USP32: variants seen among roughly 807,000 people sequenced by gnomAD.
USP32 encodes ubiquitin carboxyl-terminal hydrolase 32.
USP32 carries 59 observed loss-of-function variants against 204.8 expected under a neutral mutation model. The ratio of observed to expected loss-of-function variants is 0.29; its 90% CI spans 0.23 to 0.36. The LOEUF (loss-of-function observed/expected upper bound fraction) is 0.36, where lower values mean the gene tolerates loss of function less well. USP32 is among the 10% of genes least tolerant of loss of function. The probability of loss-of-function intolerance (pLI) is 1.00; values close to 1 mark genes in which losing one functional copy is unlikely to be tolerated. For missense variants in USP32, 1,160 were observed against 1,946.4 expected (o/e 0.60, Z 7.60); for synonymous variants, 517 against 678.4 (o/e 0.76, Z 3.70).
chr17:60,212,225 A>G (rs547046776), intron 18 of USP32, 127 bp from the exon 19 acceptor site: 1 of 775,986 alleles, frequency 1.3e-6, no homozygotes, highest in East Asian at 2.7e-5. Context: ...ATTTTAGTAC[A>G]TACATTGCTT....
chr17:60,231,310 C>T (rs1481820049), intron 12 of USP32, among the ~76,000 whole-genome samples: 1 of 152,154 alleles, frequency 6.6e-6, no homozygotes, highest in Non-Finnish European at 1.5e-5. Flanking sequence ...GAAATGCTAG[C>T]TTTGGAAAAA....
chr17:60,249,531 T>C (rs1212967458), intron 11 of USP32: 1 of 495,076 alleles, frequency 2.0e-6, no homozygotes, highest in Non-Finnish European at 3.6e-6. Context: ...TTTACCACCA[T>C]GATGGTATGT....
In USP32 at chr17:60,243,002, A is replaced by G. The variant is rs146605863; in HGVS notation, c.1137-6762T>C. Among the ~76,000 whole-genome samples, 284 of 152,328 alleles carry G rather than the reference A, an allele frequency of 1.9e-3. 1 individual carries two copies. Among genetic ancestry groups the G allele is most frequent in the African/African-American group, 6.4e-3 (265 of 41,584 alleles). ...TTGACAACAATAAGTTTTCAAATCC[A>G]TTTACGTACATTTTCTTAAATTTCT... is the stretch of plus-strand genomic sequence containing the variant. On this transcript the variant is annotated intron_variant, in intron 11 of 33. Transcript: ENST00000300896.
chr17:60,333,197 C>T (rs2088432071), intron 2 of USP32, among the ~76,000 whole-genome samples: 2 of 152,170 alleles, frequency 1.3e-5, no homozygotes, highest in South Asian at 4.1e-4. Context: ...TACTAATAGC[C>T]TGACAATCAC....
At chr17:60,391,577 G>A (rs944285608) in intron 1 of USP32, among the ~76,000 whole-genome samples, 2 of 152,172 alleles carry the variant, frequency 1.3e-5, no homozygotes, top group East Asian at 3.9e-4. Context: ...AGCCGCCCAA[G>A]AAAACGGGGA....
At chr17:60,270,447 T>C (rs2086696525) in intron 6 of USP32, among the ~76,000 whole-genome samples, 2 of 152,206 alleles carry the variant, frequency 1.3e-5, no homozygotes, top group African/African-American at 2.4e-5. Context: ...AGGTGAGAGC[T>C]GGAAGCAGAA....
At chr17:60,371,626 G>T (rs1341873757) in intron 1 of USP32, among the ~76,000 whole-genome samples, 1 of 151,978 alleles carries the variant, frequency 6.6e-6, no homozygotes, top group African/African-American at 2.4e-5. Context: ...CACATATAAA[G>T]GGTGTTCAAC....
chr17:60,395,384 G>A (rs995910930), upstream of USP32, among the ~76,000 whole-genome samples: 2 of 152,168 alleles, frequency 1.3e-5, no homozygotes, highest in Non-Finnish European at 2.9e-5. Context: ...GCATATTATT[G>A]TAGCCAGTGA....
chr17:60,196,512 T>C (rs2084522245), intron 27 of USP32, among the ~76,000 whole-genome samples: 1 of 152,232 alleles, frequency 6.6e-6, no homozygotes, highest in Admixed American at 6.5e-5. Context: ...ATAAATACTT[T>C]AAACAATTAT....
intron 16 of USP32, among the ~76,000 whole-genome samples, chr17:60,216,478 T>G (rs1365647057): frequency 6.6e-6 from 1 of 152,208 alleles, no homozygotes; most frequent in African/African-American, 2.4e-5. Context: ...ATGAGTTAGC[T>G]TCTTTCTTCC....
intron 9 of USP32, among the ~76,000 whole-genome samples, chr17:60,259,324 A>G (rs2086395239): frequency 1.3e-5 from 2 of 152,222 alleles, no homozygotes; most frequent in South Asian, 4.1e-4. Flanking sequence ...ATTCATATAT[A>G]GCATATATGC....
At position 60,383,372 on chromosome 17, in the gene USP32, C is replaced by T. The variant is rs1010166159; in HGVS notation, c.58+8510G>A. 5.9e-5 allele frequency among the ~76,000 whole-genome samples: 9 copies of T among 152,224 alleles called. No individual in the cohort carries two copies. The South Asian group carries it at 1.9e-3, about 32-fold the overall frequency. ...CCCCCCGATCTGACAAACATGAAAGCTCTCCACAACTTCTCTCCATTATTT... is the reference window on the plus strand; with the variant it reads ...CCCCCCGATCTGACAAACATGAAAGTTCTCCACAACTTCTCTCCATTATTT... On this transcript the variant is annotated intron_variant, in intron 1 of 33. Coordinates refer to ENST00000300896, the MANE Select transcript of USP32 (RefSeq NM_032582.4).
intron 2 of USP32, among the ~76,000 whole-genome samples, chr17:60,319,857 G>A (rs530845615): frequency 6.6e-6 from 1 of 152,178 alleles, no homozygotes; most frequent in South Asian, 2.1e-4. Context: ...ATTGCAATAG[G>A]TATTATAAAT....
intron 1 of USP32, among the ~76,000 whole-genome samples, chr17:60,400,195 C>T (rs1294574131): frequency 6.6e-6 from 1 of 152,160 alleles, no homozygotes. Flanking sequence ...GAACTCCTGA[C>T]CTCAGGTGAT....
In USP32 at chr17:60,209,560, A is replaced by G; in HGVS notation, c.2425-17T>C. On this transcript the variant is annotated splice_polypyrimidine_tract_variant and intron_variant, in intron 21 of 33. Transcript: ENST00000300896. ...TATGGTCCACTATAAATATAAGAGA[A>G]GTCACAGTCATTATTTCCTACCCAT... 5.2e-6 allele frequency: 8 copies of G among 1,540,604 alleles called. No individual in the cohort carries two copies. The highest frequency in any genetic ancestry group is 6.9e-6 in the Non-Finnish European group (8 of 1,153,482).
rs2089354616 is a variant in USP32, at chr17:60,368,082, C to T, written c.59-22474G>A. Among the ~76,000 whole-genome samples, 6 of 152,200 alleles carry T rather than the reference C, an allele frequency of 3.9e-5. 1 individual carries two copies. The South Asian group carries it at 1.2e-3, about 32-fold the overall frequency. On this transcript the variant is annotated intron_variant, in intron 1 of 33. Coordinates refer to ENST00000300896, the MANE Select transcript of USP32 (RefSeq NM_032582.4). ...CTGCAGGGGGCCCTAGAACCAATTC[C>T]CCACAGACACCAAGGGACTCCTGTC...
intron 2 of USP32, among the ~76,000 whole-genome samples, chr17:60,328,093 G>C (rs1484919676): frequency 6.6e-6 from 1 of 152,242 alleles, no homozygotes; most frequent in Non-Finnish European, 1.5e-5. Flanking sequence ...TTCCGGGCCA[G>C]GGAGGGCCTG....
intron 2 of USP32, among the ~76,000 whole-genome samples, chr17:60,330,533 TTCTC>T (rs1294164492): frequency 1.3e-5 from 2 of 149,202 alleles, no homozygotes; most frequent in Non-Finnish European, 3.0e-5. Context: ...CCTCCCTCCT[TTCTC>T]TCTTTCTCTC....
chr17:60,358,488 T>G (rs2089137051), intron 1 of USP32, among the ~76,000 whole-genome samples: 1 of 151,916 alleles, frequency 6.6e-6, no homozygotes, highest in Admixed American at 6.6e-5. Flanking sequence ...GGTGGGAGAA[T>G]CATTGAACCC....
Sources: allele counts gnomAD v4.1 joint callset (sites outside exome capture counted in the v4.1 genomes callset), GRCh38; gene constraint gnomAD v4.1.1; transcripts MANE v1.5; gene names NCBI Gene and HGNC (gene_info 2026-07-23, HGNC 2026-07-21).